FAT3: variants seen among roughly 807,000 people sequenced by gnomAD.
FAT3 encodes protocadherin Fat 3.
Under a neutral mutation model 310.2 loss-of-function variants are expected in FAT3, and 95 were observed. The ratio of observed to expected loss-of-function variants is 0.31; its 90% CI spans 0.26 to 0.36. FAT3 has a LOEUF of 0.36. Among genes scored for constraint, FAT3 ranks in the 10% least tolerant of loss-of-function variants. FAT3 has a pLI of 1.00. For missense variants in FAT3, 5,408 were observed against 5,715.6 expected (o/e 0.95, Z 1.74); for synonymous variants, 2,314 against 2,192.9 (o/e 1.06, Z -1.54).
At chr11:92,718,894 C>A (rs1483773459) in intron 4 of FAT3, among the ~76,000 whole-genome samples, 2 of 152,110 alleles carry the variant, frequency 1.3e-5, no homozygotes, top group East Asian at 1.9e-4. Flanking sequence ...ATTTTAATGA[C>A]CTGCTCTGCA....
At chr11:92,457,993 C>T (rs1367075599) in intron 2 of FAT3, among the ~76,000 whole-genome samples, 1 of 152,184 alleles carries the variant, frequency 6.6e-6, no homozygotes, top group Non-Finnish European at 1.5e-5. Context: ...ATTATGCCAG[C>T]AGCTCTCCTG....
chr11:92,633,458 CT>C (rs1318113555), intron 3 of FAT3, among the ~76,000 whole-genome samples: 1 of 152,100 alleles, frequency 6.6e-6, no homozygotes, highest in Non-Finnish European at 1.5e-5. Flanking sequence ...ATGATGTGAA[CT>C]TTACAAATGT....
At chr11:92,669,651 T>A (rs890695268) in intron 3 of FAT3, among the ~76,000 whole-genome samples, 1 of 152,140 alleles carries the variant, frequency 6.6e-6, no homozygotes, top group Non-Finnish European at 1.5e-5. Context: ...GTAAGAGGGG[T>A]TGGCCAGTAT....
chr11:92,783,061 T>C (rs1460958472), intron 7 of FAT3, among the ~76,000 whole-genome samples: 1 of 152,062 alleles, frequency 6.6e-6, no homozygotes, highest in Non-Finnish European at 1.5e-5. Flanking sequence ...CTCTTGGCAG[T>C]GAAAAAGGCA....
At chr11:92,701,355 T>C (rs1056331294) in intron 4 of FAT3, among the ~76,000 whole-genome samples, 1 of 152,218 alleles carries the variant, frequency 6.6e-6, no homozygotes, top group East Asian at 1.9e-4. Context: ...AGCTTGATGG[T>C]GTATGGGCTG....
chr11:92,653,445 G>C (rs952554995), intron 3 of FAT3, among the ~76,000 whole-genome samples: 1 of 152,110 alleles, frequency 6.6e-6, no homozygotes, highest in Non-Finnish European at 1.5e-5. Flanking sequence ...TAAGCTCCTT[G>C]AGATGGGGCC....
intron 8 of FAT3, among the ~76,000 whole-genome samples, chr11:92,792,532 C>G (rs931456420): frequency 2.6e-5 from 4 of 152,136 alleles, no homozygotes; most frequent in Admixed American, 6.6e-5. Context: ...TGAGCACAGA[C>G]CACAGGCCAG....
Position 92,801,376 on chromosome 11 carries a change from C to T in FAT3, c.8363C>T (p.Pro2788Leu), listed in dbSNP as rs762719647. ...AFHFKVAATIPLDKVDIVFTV... is the reference protein window; with the variant it reads ...AFHFKVAATILLDKVDIVFTV... The stretch of plus-strand genomic sequence containing the variant: ...CACTTTAAAGTAGCAGCCACTATAC[C>T]CCTGGACAAAGTAGACATTGTGTTT... The change falls in exon 10 of 28, where the codon CCC becomes CTC. Residue 2788 changes from proline to leucine, a missense_variant. By Grantham distance (98) the Pro-to-Leu change is moderately conservative. Coordinates refer to ENST00000525166, the MANE Select transcript of FAT3 (RefSeq NM_001367949.2). 8 of 1,613,754 alleles carry T rather than the reference C, an allele frequency of 5.0e-6. No homozygotes were observed. The highest frequency in any genetic ancestry group is 2.7e-5 in the African/African-American group (2 of 74,896).
At chr11:92,663,612 G>T (rs978783736) in intron 3 of FAT3, among the ~76,000 whole-genome samples, 1 of 152,134 alleles carries the variant, frequency 6.6e-6, no homozygotes, top group Non-Finnish European at 1.5e-5. Context: ...ACATACACCT[G>T]CTCAGTTGGT....
intron 2 of FAT3, among the ~76,000 whole-genome samples, chr11:92,456,112 A>G (rs962513020): frequency 2.0e-5 from 3 of 152,076 alleles, no homozygotes; most frequent in African/African-American, 4.8e-5. Context: ...TGGCTTTACT[A>G]CTTCTTAGCA....
intron 1 of FAT3, among the ~76,000 whole-genome samples, chr11:92,263,110 G>A (rs975340731): frequency 1.4e-4 from 21 of 151,466 alleles, no homozygotes; most frequent in African/African-American, 4.9e-4. Context: ...TCACAGCTTT[G>A]TTTCCAGTAT....
Position 92,512,840 on chromosome 11 carries a change from C to CTCCACCCACAATTTCTCTACTAATCTCT in FAT3, c.3293-11794_3293-11793insTCCACCCACAATTTCTCTACTAATCTCT, listed in dbSNP as rs1591385611. Among the ~76,000 whole-genome samples, 275 of 99,476 alleles carry CTCCACCCACAATTTCTCTACTAATCTCT rather than the reference C, an allele frequency of 2.8e-3. 8 individuals are homozygous for CTCCACCCACAATTTCTCTACTAATCTCT. Among genetic ancestry groups the CTCCACCCACAATTTCTCTACTAATCTCT allele is most frequent in the South Asian group, 4.3e-3 (13 of 3,010 alleles). 65.3% of individuals were successfully genotyped at this position (99,476 alleles called of 152,430 possible). A position where few individuals can be genotyped will look rare whatever the true frequency, so the allele number is the denominator to read the frequency against. On this transcript the variant is annotated intron_variant, in intron 2 of 27. Coordinates refer to ENST00000525166, the MANE Select transcript of FAT3 (RefSeq NM_001367949.2). ...TTATAAACATCTAAGTTAAGATTAT[C>CTCCACCCACAATTTCTCTACTAATCTCT]GGCCGGGCGCGGTGGCTCACGCCTG...
At chr11:92,518,340 A>C (rs780379040) in intron 2 of FAT3, among the ~76,000 whole-genome samples, 3 of 152,156 alleles carry the variant, frequency 2.0e-5, no homozygotes, top group Non-Finnish European at 4.4e-5. Flanking sequence ...AGCCATAAAA[A>C]GGATGAGTTC....
At chr11:92,761,033 C>T (rs1946138050) in intron 4 of FAT3, among the ~76,000 whole-genome samples, 2 of 152,188 alleles carry the variant, frequency 1.3e-5, no homozygotes, top group African/African-American at 4.8e-5. Flanking sequence ...GAACATATAT[C>T]ATAGTTTTCC....
chr11:92,382,781 G>T (rs992548507), intron 2 of FAT3, among the ~76,000 whole-genome samples: 1 of 152,228 alleles, frequency 6.6e-6, no homozygotes, highest in Non-Finnish European at 1.5e-5. Context: ...TCCGCATGGA[G>T]TCAGCAGGTA....
At chr11:92,787,305 G>T (rs1400742826) in intron 7 of FAT3, among the ~76,000 whole-genome samples, 1 of 152,066 alleles carries the variant, frequency 6.6e-6, no homozygotes, top group South Asian at 2.1e-4. Context: ...GGAATAGAGT[G>T]TAGGGGGAAG....
chr11:92,716,153 T>C (rs1357321424), intron 4 of FAT3, among the ~76,000 whole-genome samples: 1 of 152,032 alleles, frequency 6.6e-6, no homozygotes, highest in Non-Finnish European at 1.5e-5. Context: ...CAACTGCAGG[T>C]AGTGGTAGCA....
chr11:92,805,068 A>G (rs764162890), intron 10 of FAT3, 85 bp from the exon 11 acceptor site: 2 of 1,364,542 alleles, frequency 1.5e-6, no homozygotes, highest in Non-Finnish European at 2.0e-6. Flanking sequence ...TACCTGGATG[A>G]CTCCACATGC....
chr11:92,414,796 G>C (rs1306818971), intron 2 of FAT3, among the ~76,000 whole-genome samples: 5 of 152,000 alleles, frequency 3.3e-5, no homozygotes, highest in African/African-American at 1.2e-4. Context: ...GGATCACGAG[G>C]TCGGGAGATC....
Sources: gnomAD v4.1 joint callset for allele counts (sites outside exome capture counted in the v4.1 genomes callset) on GRCh38, gnomAD v4.1.1 for gene constraint, MANE v1.5 for transcripts, NCBI Gene and HGNC (gene_info 2026-07-23, HGNC 2026-07-21) for gene names.